The following DHX40 variants were observed in gnomAD, a reference collection of about 807,000 sequenced individuals.
The protein encoded by DHX40 is DEAH-box helicase 40.
DHX40 carries 28 observed loss-of-function variants against 89.6 expected under a neutral mutation model. The ratio of observed to expected loss-of-function variants is 0.31; its 90% CI spans 0.23 to 0.43. DHX40 has a LOEUF of 0.43. Among genes scored for constraint, DHX40 ranks in the 20% least tolerant of loss-of-function variants. DHX40 has a pLI of 1.00. For synonymous variants in DHX40, 226 were observed against 283.6 expected, an observed-to-expected ratio of 0.80 and a Z score of 2.04; for missense variants, 457 against 844.0, an observed-to-expected ratio of 0.54 and a Z score of 5.68.
intron 14 of DHX40, among the ~76,000 whole-genome samples, chr17:59,600,841 T>G (rs1365846709): frequency 6.8e-6 from 1 of 146,458 alleles, no homozygotes; most frequent in Non-Finnish European, 1.5e-5. Context: ...AGCAGCACCC[T>G]GTCTCAAAAA....
chr17:59,576,576 A>G (rs1459569076), intron 7 of DHX40, among the ~76,000 whole-genome samples: 4 of 152,126 alleles, frequency 2.6e-5, no homozygotes, highest in Non-Finnish European at 5.9e-5. Flanking sequence ...CTTTTTTATG[A>G]TGATATTAGC....
chr17:59,598,258 T>C (rs959053698), intron 12 of DHX40, among the ~76,000 whole-genome samples: 2 of 152,310 alleles, frequency 1.3e-5, no homozygotes, highest in East Asian at 3.9e-4. Flanking sequence ...ATATTCCATT[T>C]ATAGAAAAAT....
chr17:59,606,692 G>A (rs943262397), intron 17 of DHX40, among the ~76,000 whole-genome samples: 14 of 150,900 alleles, frequency 9.3e-5, no homozygotes, highest in African/African-American at 3.4e-4. Context: ...CTTGCAGTGA[G>A]CCGAGATTGC....
At chr17:59,602,440 T>C (rs1598179207) in intron 14 of DHX40, 82 bp from the exon 15 acceptor site, 2 of 1,302,876 alleles carry the variant, frequency 1.5e-6, no homozygotes, top group East Asian at 2.4e-5. Flanking sequence ...CAGAGGTCTT[T>C]AGAAATGTGG....
intron 12 of DHX40, among the ~76,000 whole-genome samples, chr17:59,590,987 A>G (rs2049073841): frequency 6.6e-6 from 1 of 150,700 alleles, no homozygotes; most frequent in Non-Finnish European, 1.5e-5. Context: ...AGCCTGGGCA[A>G]CATAGCAAGA....
intron 12 of DHX40, among the ~76,000 whole-genome samples, chr17:59,590,504 G>A (rs527858844): frequency 8.8e-4 from 133 of 151,130 alleles, no homozygotes; most frequent in African/African-American, 3.1e-3. Flanking sequence ...GTCTCACTGT[G>A]TTGCCCAGGC....
At position 59,568,617 on chromosome 17, in the gene DHX40, A is replaced by G. The variant is rs1486220987; in HGVS notation, c.280+1823A>G. On this transcript the variant is annotated intron_variant, in intron 2 of 17. Coordinates refer to ENST00000251241, the MANE Select transcript of DHX40 (RefSeq NM_024612.5). ...ACAACAACAATAAAATAGAGCAGTT[A>G]TGACAATATACTGTAGTAAAACTTT... Among the ~76,000 whole-genome samples the G allele has an allele frequency of 2.0e-5, 3 of 152,278 alleles. No individual in the cohort carries two copies. The East Asian group carries it at 5.8e-4, about 29-fold the overall frequency.
intron 11 of DHX40, among the ~76,000 whole-genome samples, 168 bp downstream of exon 11, chr17:59,586,401 A>G (rs2697393): frequency 2.0e-4 from 30 of 152,086 alleles, no homozygotes; most frequent in Admixed American, 3.9e-4. Context: ...TGTGGCTCAT[A>G]CCTGTAATCC....
At chr17:59,574,405 A>G (rs1297245206) in intron 6 of DHX40, 151 bp downstream of exon 6, 8 of 473,806 alleles carry the variant, frequency 1.7e-5, no homozygotes, top group Non-Finnish European at 3.1e-5. Flanking sequence ...TAGGTAAAAG[A>G]TAGATAAAAA....
chr17:59,569,129 G>T (rs1210452168), intron 2 of DHX40, among the ~76,000 whole-genome samples: 1 of 152,022 alleles, frequency 6.6e-6, no homozygotes, highest in African/African-American at 2.4e-5. Context: ...AGAAGTTTGC[G>T]ACCAGCCTGG....
At chr17:59,603,501 G>A (rs2030662957) in intron 15 of DHX40, 1 of 152,148 alleles carries the variant, frequency 6.6e-6, no homozygotes, top group African/African-American at 2.4e-5. Flanking sequence ...ATTAACAAAG[G>A]TTGAGGCCAC....
chr17:59,566,274 G>T (rs1370759101), intron 1 of DHX40, among the ~76,000 whole-genome samples: 1 of 152,186 alleles, frequency 6.6e-6, no homozygotes, highest in East Asian at 1.9e-4. Flanking sequence ...AGAATTTTCT[G>T]CTGTGTTCCA....
rs950231784 is a variant in DHX40 at position 59,565,868 on chromosome 17, G to T, written c.112+85G>T. 3.5e-5 allele frequency: 42 copies of T among 1,212,734 alleles called. No individual in the cohort carries two copies. In the Admixed American group the frequency reaches 8.8e-4, roughly 26 times the overall value. 75.1% of individuals were successfully genotyped at this position (1,212,734 alleles called of 1,614,324 possible). On this transcript the variant is annotated intron_variant, in intron 1 of 17. Coordinates refer to ENST00000251241, the MANE Select transcript of DHX40 (RefSeq NM_024612.5). ...GGGGATGAAAGTACGCCTTTGGCAG[G>T]CTGAGAAGAGTAGTGAGGAAGCCGT...
chr17:59,591,715 AT>A (rs1459464718), intron 12 of DHX40, among the ~76,000 whole-genome samples: 1 of 151,664 alleles, frequency 6.6e-6, no homozygotes, highest in Non-Finnish European at 1.5e-5. Flanking sequence ...CTCCCTCTAT[AT>A]ATGTATATAT....
At chr17:59,570,750 C>A (rs2048795490) in intron 3 of DHX40, 87 bp downstream of exon 3, 3 of 1,383,110 alleles carry the variant, frequency 2.2e-6, no homozygotes, top group Non-Finnish European at 2.9e-6. Context: ...GTGGCGCAAT[C>A]ATGGCTCTCT....
At chr17:59,596,856 C>T (rs951578052) in intron 12 of DHX40, among the ~76,000 whole-genome samples, 7 of 152,152 alleles carry the variant, frequency 4.6e-5, no homozygotes, top group African/African-American at 1.7e-4. Flanking sequence ...TGCAGATTCA[C>T]ATCGTATTCT....
In DHX40 at chr17:59,607,135, C is replaced by A. The variant is rs764369751; in HGVS notation, c.2303C>A (p.Thr768Asn). 17 of 1,614,152 alleles carry A rather than the reference C, an allele frequency of 1.1e-5. No individual in the cohort carries two copies. The highest frequency in any genetic ancestry group is 1.4e-5 in the Non-Finnish European group (17 of 1,180,030). The change falls in exon 18 of 18, where the codon ACC (threonine) becomes AAC (asparagine). Residue 768 changes from threonine to asparagine, a missense_variant. This residue lies in a region of DHX40 where 120 missense variants were observed against 161.7 expected (regional missense o/e 0.74). Transcript: ENST00000251241. ...TTCCTTGAGAGAAAGCAGCAGAGGA[C>A]CCAGGACCACAGTGACACACGAAAG... ...ARFLERKQQR[T>N]QDHSDTRKET...
chr17:59,587,794 T>C, intron 11 of DHX40, 102 bp from the exon 12 acceptor site: 1 of 1,506,916 alleles, frequency 6.6e-7, no homozygotes, highest in East Asian at 2.3e-5. Context: ...CTGGAGGTGA[T>C]TGGAGGTAAC....
Position 59,565,737 on chromosome 17 carries a change from A to G in DHX40, c.66A>G (p.Arg22=). The change falls in exon 1 of 18, where the codon AGA becomes AGG. Residue 22 remains arginine, a synonymous_variant. Coordinates refer to ENST00000251241, the MANE Select transcript of DHX40 (RefSeq NM_024612.5). ...PRRQEEGERS[R]DLQEERLSAV... is the part of the protein sequence containing the mutation. ...GGCAGGAGGAGGGTGAGCGGTCAAG[A>G]GACCTCCAGGAAGAGCGGCTCTCGG... 1 of 1,605,316 alleles carries G rather than the reference A, an allele frequency of 6.2e-7. No individual in the cohort carries two copies. The highest frequency in any genetic ancestry group is 8.5e-7 in the Non-Finnish European group (1 of 1,179,620).
Sources: gnomAD v4.1 joint callset for allele counts (sites outside exome capture counted in the v4.1 genomes callset) on GRCh38, gnomAD v4.1.1 for gene constraint, gnomAD v4.1.1 regional missense constraint, MANE v1.5 for transcripts, NCBI Gene and HGNC (gene_info 2026-07-23, HGNC 2026-07-21) for gene names.